The following LINGO1 variants were observed in gnomAD, a reference collection of about 807,000 sequenced individuals.
The protein encoded by LINGO1 is leucine-rich repeat and immunoglobulin-like domain-containing nogo receptor-interacting protein 1.
LINGO1 carries 11 observed loss-of-function variants against 37.3 expected under a neutral mutation model. The ratio of observed to expected loss-of-function variants is 0.29; its 90% CI spans 0.19 to 0.49. The LOEUF (loss-of-function observed/expected upper bound fraction) is 0.49, where lower values mean the gene tolerates loss of function less well. Among genes scored for constraint, LINGO1 ranks in the 20% least tolerant of loss-of-function variants. LINGO1 has a pLI of 0.99. For synonymous variants in LINGO1, 387 were observed against 403.0 expected (o/e 0.96, Z 0.48); for missense variants, 585 against 878.2 (o/e 0.67, Z 4.22).
chr15:77,683,597 A>C (rs977707425), intron 2 of LINGO1, among the ~76,000 whole-genome samples: 6 of 152,218 alleles, frequency 3.9e-5, no homozygotes, highest in African/African-American at 1.4e-4. Context: ...TGGGAAGTGA[A>C]AAATGGAACT....
At chr15:77,766,890 A>T (rs2076535544) in intron 1 of LINGO1, among the ~76,000 whole-genome samples, 1 of 152,248 alleles carries the variant, frequency 6.6e-6, no homozygotes, top group Middle Eastern at 3.4e-3. Context: ...GAATTTTTAA[A>T]AAAAAATCCA....
chr15:77,642,737 GA>G lies in LINGO1; in HGVS notation c.-12-26838del, dbSNP rs539611852. Among the ~76,000 whole-genome samples, 865 of 152,324 alleles carry G rather than the reference GA, an allele frequency of 5.7e-3. 7 individuals are homozygous for G. Among genetic ancestry groups the G allele is most frequent in the African/African-American group, 0.019 (790 of 41,564 alleles). On this transcript the variant is annotated intron_variant, in intron 3 of 3. Coordinates refer to the LINGO1 transcript ENST00000559893. ...GCAGACAGGTTCATCTCCGGGTCCGGAAATCCCCCAGCAGGGCATTACTTCT... is the reference window on the plus strand; with the variant it reads ...GCAGACAGGTTCATCTCCGGGTCCGGAATCCCCCAGCAGGGCATTACTTCT...
At chr15:77,675,304 C>G (rs1383283546) in intron 3 of LINGO1, among the ~76,000 whole-genome samples, 2 of 152,182 alleles carry the variant, frequency 1.3e-5, no homozygotes, top group African/African-American at 4.8e-5. Flanking sequence ...AACTACAGCA[C>G]AAGCACACAC....
chr15:77,734,724 C>T (rs552441842), intron 2 of LINGO1, among the ~76,000 whole-genome samples: 1 of 152,140 alleles, frequency 6.6e-6, no homozygotes, highest in South Asian at 2.1e-4. Context: ...GGTTGCTCTC[C>T]AAGGGCCCCC....
intron 2 of LINGO1, among the ~76,000 whole-genome samples, chr15:77,734,817 C>G (rs1051679748): frequency 6.8e-4 from 104 of 152,258 alleles, no homozygotes; most frequent in African/African-American, 2.4e-3. Context: ...CTTCCCACCC[C>G]CTACCTCGCC....
At chr15:77,701,892 C>T (rs2075788092) in intron 2 of LINGO1, among the ~76,000 whole-genome samples, 1 of 152,182 alleles carries the variant, frequency 6.6e-6, no homozygotes, top group Non-Finnish European at 1.5e-5. Context: ...CTCAGGTATT[C>T]CTTTAGAGTA....
upstream of LINGO1, among the ~76,000 whole-genome samples, chr15:77,637,430 G>A (rs1242478800): frequency 6.6e-6 from 1 of 152,176 alleles, no homozygotes; most frequent in Non-Finnish European, 1.5e-5. This position sits in a 1 kb window ranked among gnomAD's most constrained non-coding sequence, Gnocchi z 4.6. Flanking sequence ...AGGTCCCTGT[G>A]TGTCCCCCTC....
At chr15:77,616,751 C>T (rs1480938167) in intron 1 of LINGO1, among the ~76,000 whole-genome samples, 1 of 152,198 alleles carries the variant, frequency 6.6e-6, no homozygotes, top group African/African-American at 2.4e-5. Context: ...ATGTCTTTTC[C>T]TGCCTCCTGG....
chr15:77,788,007 TAGAACCCCGGAGCCACAC>T (rs2076788524), upstream of LINGO1: 1 of 152,036 alleles, frequency 6.6e-6, no homozygotes, highest in Non-Finnish European at 1.5e-5. Context: ...TGCCACCGCA[TAGAACCCCGGAGCCACAC>T]AGACCCCTGG....
At chr15:77,779,948 CT>C (rs2076699084) in intron 1 of LINGO1, among the ~76,000 whole-genome samples, 1 of 152,198 alleles carries the variant, frequency 6.6e-6, no homozygotes, top group African/African-American at 2.4e-5. Context: ...GACACCGCCC[CT>C]GATAAGGACC....
At chr15:77,724,029 C>T (rs1054768008) in intron 2 of LINGO1, among the ~76,000 whole-genome samples, 2 of 152,198 alleles carry the variant, frequency 1.3e-5, no homozygotes, top group Admixed American at 6.5e-5. Context: ...AATAGCCGGG[C>T]GTGCGTGTCT....
intron 1 of LINGO1, among the ~76,000 whole-genome samples, chr15:77,768,426 G>A (rs963442971): frequency 6.6e-6 from 1 of 152,188 alleles, no homozygotes; most frequent in Admixed American, 6.5e-5. Context: ...AGGCACTGGG[G>A]ACAAGACTAC....
intron 1 of LINGO1, among the ~76,000 whole-genome samples, chr15:77,757,421 G>A (rs72730707): frequency 0.16 from 24,551 of 152,230 alleles, 2,455 homozygotes; most frequent in Admixed American, 0.3. Flanking sequence ...TGAGGTGGCT[G>A]TGGGAACACC....
At chr15:77,687,208 T>C (rs2075526302) in intron 2 of LINGO1, among the ~76,000 whole-genome samples, 1 of 151,826 alleles carries the variant, frequency 6.6e-6, no homozygotes, top group South Asian at 2.1e-4. Context: ...AGAATGAAGG[T>C]TCAGTTGATT....
chr15:77,792,231 T>C, intron 2 of LINGO1, among the ~76,000 whole-genome samples: 1 of 152,106 alleles, frequency 6.6e-6, no homozygotes, highest in East Asian at 1.9e-4. Context: ...GCTGGCCCTC[T>C]CCCAGTCCAC....
chr15:77,697,608 G>A (rs1321310954), upstream of LINGO1, among the ~76,000 whole-genome samples: 1 of 152,090 alleles, frequency 6.6e-6, no homozygotes, highest in Admixed American at 6.5e-5. Flanking sequence ...TTCAGCAAAT[G>A]CCCTCTAATG....
chr15:77,742,984 CACGGTG>C (rs1436858806), intron 1 of LINGO1, among the ~76,000 whole-genome samples: 1 of 152,212 alleles, frequency 6.6e-6, no homozygotes, highest in Non-Finnish European at 1.5e-5. Flanking sequence ...GGACAGAACC[CACGGTG>C]GTGCACGGGT....
chr15:77,723,779 C>T (rs1035043226), intron 2 of LINGO1, among the ~76,000 whole-genome samples: 10 of 152,142 alleles, frequency 6.6e-5, no homozygotes, highest in African/African-American at 1.7e-4. Flanking sequence ...GGGGATGGAA[C>T]GACCCCAGCC....
intron 3 of LINGO1, among the ~76,000 whole-genome samples, chr15:77,668,770 C>T (rs948718784): frequency 6.7e-6 from 1 of 149,302 alleles, no homozygotes; most frequent in East Asian, 2.0e-4. Context: ...AGGGGAGCTG[C>T]CCTGGGGAGC....
Sources: allele counts gnomAD v4.1 joint callset (sites outside exome capture counted in the v4.1 genomes callset), GRCh38; gene constraint gnomAD v4.1.1; non-coding constraint Gnocchi (gnomAD v3.1); transcripts MANE v1.5; gene names NCBI Gene and HGNC (gene_info 2026-07-23, HGNC 2026-07-21).